The following CDH13 variants were observed in gnomAD, a reference collection of about 807,000 sequenced individuals.
CDH13 encodes the protein cadherin 13, also known as cadherin-13.
Under a neutral mutation model 63.8 loss-of-function variants are expected in CDH13, and 24 were observed. The ratio of observed to expected loss-of-function variants is 0.38; its 90% CI spans 0.27 to 0.53. The LOEUF (loss-of-function observed/expected upper bound fraction) is 0.53, where lower values mean the gene tolerates loss of function less well. Ranked by LOEUF, CDH13 falls within the 20% of genes least tolerant of loss-of-function variation. The pLI is 0.85. For synonymous variants in CDH13, 503 were observed against 355.3 expected (o/e 1.42, Z -4.67); for missense variants, 1,049 against 903.1 (o/e 1.16, Z -2.07).
chr16:83,334,920 T>C lies in CDH13; in HGVS notation c.637-9942T>C, dbSNP rs373079723. On this transcript the variant is annotated intron_variant, in intron 5 of 13. Transcript: ENST00000567109. ...TAAATCTGCCTACCAAGCCTGTACA[T>C]ATATTGATAATATATTCATATGTAA... 2.0e-5 allele frequency among the ~76,000 whole-genome samples: 3 copies of C among 152,320 alleles called. No homozygotes were observed. In the South Asian group the frequency reaches 6.2e-4, roughly 32 times the overall value.
At chr16:83,432,744 C>T (rs1437952037) in intron 6 of CDH13, among the ~76,000 whole-genome samples, 6 of 152,140 alleles carry the variant, frequency 3.9e-5, no homozygotes, top group Non-Finnish European at 5.9e-5. Flanking sequence ...ATGGCACAGG[C>T]AGCTGGGTCT....
At chr16:82,687,664 C>T (rs1304631046) in intron 1 of CDH13, among the ~76,000 whole-genome samples, 1 of 152,040 alleles carries the variant, frequency 6.6e-6, no homozygotes, top group Admixed American at 6.5e-5. Flanking sequence ...CACTTCCTCC[C>T]ATGACATGTG....
At chr16:83,510,952 C>G (rs1287465993) in intron 7 of CDH13, among the ~76,000 whole-genome samples, 1 of 152,212 alleles carries the variant, frequency 6.6e-6, no homozygotes, top group Non-Finnish European at 1.5e-5. Context: ...GACTACCATG[C>G]CTATTCTGTC....
At chr16:83,685,057 A>G (rs1904291806) in intron 10 of CDH13, among the ~76,000 whole-genome samples, 1 of 152,166 alleles carries the variant, frequency 6.6e-6, no homozygotes, top group Non-Finnish European at 1.5e-5. Flanking sequence ...TCATATCTGC[A>G]TTCCAGACAG....
intron 1 of CDH13, among the ~76,000 whole-genome samples, chr16:82,857,884 T>G (rs533268502): frequency 8.9e-4 from 136 of 152,328 alleles, no homozygotes; most frequent in Non-Finnish European, 1.6e-3. Context: ...CGGTGGTTCA[T>G]GGTCACCATA....
intron 7 of CDH13, among the ~76,000 whole-genome samples, chr16:83,591,555 C>T (rs1440984962): frequency 6.6e-6 from 1 of 152,174 alleles, no homozygotes; most frequent in African/African-American, 2.4e-5. Context: ...CAAACCTTGA[C>T]TCCAGGCACG....
chr16:83,117,236 C>T (rs1317389734), intron 3 of CDH13, among the ~76,000 whole-genome samples: 1 of 152,208 alleles, frequency 6.6e-6, no homozygotes, highest in African/African-American at 2.4e-5. Context: ...TCTCCAGGGT[C>T]TGACTTCCCT....
At chr16:83,223,694 C>G (rs1309271434) in intron 5 of CDH13, among the ~76,000 whole-genome samples, 9 of 152,228 alleles carry the variant, frequency 5.9e-5, no homozygotes, top group African/African-American at 1.7e-4. Flanking sequence ...CAGGAAGAAC[C>G]TAGACCGTAA....
chr16:83,131,588 G>T (rs149377762), intron 4 of CDH13, among the ~76,000 whole-genome samples: 1 of 152,066 alleles, frequency 6.6e-6, no homozygotes. Context: ...TCTTGGGCCC[G>T]ATTGATTGAG....
At chr16:83,228,937 A>G (rs1158794115) in intron 5 of CDH13, among the ~76,000 whole-genome samples, 1 of 152,238 alleles carries the variant, frequency 6.6e-6, no homozygotes, top group African/African-American at 2.4e-5. Flanking sequence ...AGTGACACAC[A>G]TCAGATAGAT....
intron 2 of CDH13, among the ~76,000 whole-genome samples, chr16:82,992,173 A>C (rs1421105639): frequency 6.6e-6 from 1 of 152,182 alleles, no homozygotes; most frequent in African/African-American, 2.4e-5. Context: ...ACTATGTTGA[A>C]GTATGTCCTA....
chr16:83,740,219 C>G (rs1210730577), intron 10 of CDH13, among the ~76,000 whole-genome samples: 1 of 151,868 alleles, frequency 6.6e-6, no homozygotes, highest in African/African-American at 2.4e-5. Flanking sequence ...CCTCTAGGAC[C>G]TTAGAGACCA....
intron 4 of CDH13, among the ~76,000 whole-genome samples, chr16:83,133,805 A>AT (rs1201198727): frequency 1.3e-5 from 2 of 152,020 alleles, no homozygotes; most frequent in African/African-American, 2.4e-5. Context: ...GGCCCATGGA[A>AT]TTTTACTTGA....
Position 83,148,659 on chromosome 16 carries a change from A to G in CDH13, c.483+23158A>G, listed in dbSNP as rs114838768. 3.7e-3 allele frequency among the ~76,000 whole-genome samples: 565 copies of G among 152,340 alleles called. 3 individuals are homozygous for G. The highest frequency in any genetic ancestry group is 0.013 in the African/African-American group (547 of 41,578). ...GGTAAACTCTCGCACCATATTAACT[A>G]TTGCAGTATGGTGTTATTATTATTA... is the stretch of plus-strand genomic sequence containing the variant. On this transcript the variant is annotated intron_variant, in intron 4 of 13. Transcript: ENST00000567109.
intron 1 of CDH13, among the ~76,000 whole-genome samples, chr16:82,763,042 A>G (rs949177969): frequency 6.6e-6 from 1 of 152,162 alleles, no homozygotes; most frequent in Non-Finnish European, 1.5e-5. Flanking sequence ...CTTGACATTT[A>G]TAGATTTTAT....
intron 11 of CDH13, among the ~76,000 whole-genome samples, chr16:83,767,472 A>T (rs920013342): frequency 2.0e-5 from 3 of 152,176 alleles, no homozygotes; most frequent in Non-Finnish European, 4.4e-5. Context: ...GATTATGTGG[A>T]ACTGTGAGTC....
At chr16:83,269,492 TA>T (rs2088730388) in intron 5 of CDH13, among the ~76,000 whole-genome samples, 1 of 150,786 alleles carries the variant, frequency 6.6e-6, no homozygotes, top group African/African-American at 2.5e-5. Context: ...ATAAAATTCT[TA>T]AACAGATCTT....
chr16:82,709,908 T>G (rs2031780424), intron 1 of CDH13, among the ~76,000 whole-genome samples: 1 of 151,878 alleles, frequency 6.6e-6, no homozygotes. Context: ...TTGAAAGAAA[T>G]AAAGCCCCAG....
chr16:83,526,705 A>G (rs1056280478), intron 7 of CDH13, among the ~76,000 whole-genome samples: 3 of 151,624 alleles, frequency 2.0e-5, no homozygotes, highest in African/African-American at 7.3e-5. Context: ...TTAAACACTG[A>G]CTCTTTCACT....
Sources: gnomAD v4.1 joint callset for allele counts (sites outside exome capture counted in the v4.1 genomes callset) on GRCh38, gnomAD v4.1.1 for gene constraint, MANE v1.5 for transcripts, NCBI Gene and HGNC (gene_info 2026-07-23, HGNC 2026-07-21) for gene names.